Variants in C2CD3 observed in about 807,000 individuals in gnomAD.
The protein encoded by C2CD3 is C2 domain containing 3 centriole elongation regulator, also known as C2 domain-containing protein 3.
C2CD3 carries 148 observed loss-of-function variants against 234.0 expected under a neutral mutation model. The observed-to-expected ratio is 0.63, with a 90% CI of 0.55 to 0.72. The LOEUF is 0.72. Among genes scored for constraint, C2CD3 ranks in the 30% least tolerant of loss-of-function variants. The pLI is 0.00. For missense variants in C2CD3, 2,577 were observed against 2,811.5 expected, an observed-to-expected ratio of 0.92 and a Z score of 1.89; for synonymous variants, 1,000 against 1,035.4, an observed-to-expected ratio of 0.97 and a Z score of 0.66.
intron 9 of C2CD3, among the ~76,000 whole-genome samples, chr11:74,115,234 A>T (rs533267754): frequency 6.6e-6 from 1 of 152,082 alleles, no homozygotes; most frequent in East Asian, 1.9e-4. Flanking sequence ...ATATACATAC[A>T]TATATATACA....
chr11:74,109,155 G>C lies in C2CD3; in HGVS notation c.1844-3C>G. Reference sequence around the variant, plus strand: ...AAATCGCTGCTGGAACTTCACCTCTGTAAGGAGAACCAGACACACAGACAT... The same window carrying C: ...AAATCGCTGCTGGAACTTCACCTCTCTAAGGAGAACCAGACACACAGACAT... On this transcript the variant is annotated splice_polypyrimidine_tract_variant and splice_region_variant and intron_variant, in intron 11 of 32. Coordinates refer to ENST00000334126, the MANE Select transcript of C2CD3 (RefSeq NM_001286577.2). The C allele has an allele frequency of 6.6e-7, 1 of 1,519,884 alleles. No individual in the cohort carries two copies. The highest frequency in any genetic ancestry group is 8.9e-7 in the Non-Finnish European group (1 of 1,121,478). The allele number at this position is 1,519,884 out of a possible 1,614,324, so 94.1% of individuals were successfully genotyped here. A position where few individuals can be genotyped will look rare whatever the true frequency, so the allele number is the denominator to read the frequency against.
chr11:74,134,663 A>C (rs1957798532), intron 5 of C2CD3, among the ~76,000 whole-genome samples: 1 of 152,216 alleles, frequency 6.6e-6, no homozygotes, highest in African/African-American at 2.4e-5. Flanking sequence ...TATAATTTCT[A>C]AAAATAAAAT....
intron 22 of C2CD3, among the ~76,000 whole-genome samples, chr11:74,080,793 G>C (rs1245051742): frequency 6.6e-6 from 1 of 152,106 alleles, no homozygotes; most frequent in Non-Finnish European, 1.5e-5. Context: ...ACCTAGCCCT[G>C]TGCCAAGATC....
chr11:74,121,495 T>C (rs1486211289), intron 8 of C2CD3, among the ~76,000 whole-genome samples: 2 of 151,038 alleles, frequency 1.3e-5, no homozygotes, highest in African/African-American at 4.9e-5. Context: ...TAATCCCAGC[T>C]ACTCGGGAGG....
chr11:74,031,674 T>A (rs1952527208), intron 31 of C2CD3, among the ~76,000 whole-genome samples: 1 of 152,158 alleles, frequency 6.6e-6, no homozygotes, highest in Non-Finnish European at 1.5e-5. Context: ...TTCAAATCTG[T>A]CCTTGGCACC....
At position 74,100,623 on chromosome 11, in the gene C2CD3, C is replaced by T. The variant is rs376226159; in HGVS notation, c.2634G>A (p.Val878=). 3.7e-5 allele frequency: 60 copies of T among 1,613,942 alleles called. No homozygotes were observed. Among genetic ancestry groups the T allele is most frequent in the Non-Finnish European group, 4.9e-5 (58 of 1,179,918 alleles). The change falls in exon 15 of 33, where the codon GTG becomes GTA. Residue 878 remains valine (V), a synonymous_variant. Transcript: ENST00000334126. ...SKYLERLKNN[V]MVIETWNKVR... Reference sequence around the variant, plus strand: ...CCTTATTCCAAGTTTCAATTACCATCACATTGTTCTTAAGCCTTTCCAGGT... The same window carrying T: ...CCTTATTCCAAGTTTCAATTACCATTACATTGTTCTTAAGCCTTTCCAGGT...
intron 8 of C2CD3, among the ~76,000 whole-genome samples, chr11:74,120,025 G>A (rs1164798751): frequency 6.6e-6 from 1 of 151,924 alleles, no homozygotes; most frequent in Non-Finnish European, 1.5e-5. Flanking sequence ...ATTGACTAGT[G>A]CAACTGAAAA....
intron 24 of C2CD3, among the ~76,000 whole-genome samples, chr11:74,064,123 C>T (rs1366595945): frequency 1.3e-5 from 2 of 151,864 alleles, no homozygotes; most frequent in African/African-American, 4.8e-5. Flanking sequence ...GTTCAATTCC[C>T]ACCTATAAGT....
chr11:74,117,175 T>C lies in C2CD3; in HGVS notation c.1520+1053A>G, dbSNP rs1362251195. ...ATATATGAATATATATATATGAATA[T>C]ATATATATGAATATATATATATGAA... is the stretch of plus-strand genomic sequence containing the variant. On this transcript the variant is annotated intron_variant, in intron 9 of 32. Transcript: ENST00000334126. Among the ~76,000 whole-genome samples, 119 of 71,936 alleles carry C rather than the reference T, an allele frequency of 1.7e-3. 2 individuals carry two copies. The highest frequency in any genetic ancestry group is 3.9e-3 in the Admixed American group (21 of 5,346). The allele number at this position is 71,936 out of a possible 152,430, so 47.2% of individuals were successfully genotyped here.
rs562054205 is a variant in C2CD3 at position 74,116,272 on chromosome 11, T to C, written c.1521-1679A>G. Among the ~76,000 whole-genome samples the C allele has an allele frequency of 3.9e-4, 59 of 151,998 alleles. No homozygotes were observed. The South Asian group carries it at 0.012, about 30-fold the overall frequency. On this transcript the variant is annotated intron_variant, in intron 9 of 32. Coordinates refer to ENST00000334126, the MANE Select transcript of C2CD3 (RefSeq NM_001286577.2). ...GAATCTATAAGGAATGCAAACAAATTAGCAAGAAAAAATCAAACAATCCCA... is the reference window on the plus strand; with the variant it reads ...GAATCTATAAGGAATGCAAACAAATCAGCAAGAAAAAATCAAACAATCCCA...
chr11:74,148,405 A>C (rs2156756), intron 3 of C2CD3, among the ~76,000 whole-genome samples: 173 of 151,564 alleles, frequency 1.1e-3, no homozygotes, highest in Non-Finnish European at 2.1e-3. Flanking sequence ...TATCTTATAT[A>C]TGTATATATA....
chr11:74,051,125 A>G (rs141463434), intron 26 of C2CD3, among the ~76,000 whole-genome samples: 1 of 151,092 alleles, frequency 6.6e-6, no homozygotes, highest in South Asian at 2.1e-4. Context: ...CATCTCTAAA[A>G]AAAACAAAAC....
intron 23 of C2CD3, 111 bp from the exon 24 acceptor site, chr11:74,074,711 AC>A (rs907677227): frequency 1.2e-6 from 1 of 801,426 alleles, no homozygotes; most frequent in African/African-American, 1.7e-5. Context: ...AGGTCTACAA[AC>A]CCCAATACAG....
intron 30 of C2CD3, chr11:74,034,724 A>C: frequency 1.2e-6 from 1 of 841,678 alleles, no homozygotes; most frequent in Non-Finnish European, 2.0e-6. Flanking sequence ...CCATATGATA[A>C]GGCAGGGAAG....
At chr11:74,078,868 C>T (rs1591409320) in intron 22 of C2CD3, 151 bp from the exon 23 acceptor site, 3 of 691,634 alleles carry the variant, frequency 4.3e-6, no homozygotes, top group Non-Finnish European at 7.0e-6. Flanking sequence ...GTTCATCTGA[C>T]CATTGAGAGG....
intron 24 of C2CD3, among the ~76,000 whole-genome samples, chr11:74,064,859 T>A (rs1954430101): frequency 6.6e-6 from 1 of 152,212 alleles, no homozygotes; most frequent in Admixed American, 6.5e-5. Context: ...GAAAACTGGC[T>A]AGCCATATGT....
In C2CD3 at chr11:74,139,593, T is replaced by C. The variant is rs1957977863; in HGVS notation, c.707+12A>G. ...AACTGACAGATTGACTGGTATTAGGTATGGTAATTACCTCGGAGTGGTTGA... is the reference window on the plus strand; with the variant it reads ...AACTGACAGATTGACTGGTATTAGGCATGGTAATTACCTCGGAGTGGTTGA... On this transcript the variant is annotated intron_variant, in intron 4 of 32. Coordinates refer to ENST00000334126, the MANE Select transcript of C2CD3 (RefSeq NM_001286577.2). 2 of 1,549,500 alleles carry C rather than the reference T, an allele frequency of 1.3e-6. No homozygotes were observed. The highest frequency in any genetic ancestry group is 2.7e-5 in the African/African-American group (2 of 73,700).
intron 15 of C2CD3, among the ~76,000 whole-genome samples, chr11:74,100,315 C>T (rs558482177): frequency 1.4e-4 from 21 of 152,184 alleles, no homozygotes; most frequent in Non-Finnish European, 2.4e-4. Flanking sequence ...CTTGATGTTG[C>T]AAGGTTTTTA....
chr11:74,079,359 G>A (rs1164910274), intron 22 of C2CD3, among the ~76,000 whole-genome samples: 1 of 151,894 alleles, frequency 6.6e-6, no homozygotes, highest in African/African-American at 2.4e-5. Context: ...GTGCTACCAC[G>A]CCTGGCCATT....
Sources: allele counts gnomAD v4.1 joint callset (sites outside exome capture counted in the v4.1 genomes callset), GRCh38; gene constraint gnomAD v4.1.1; transcripts MANE v1.5; gene names NCBI Gene and HGNC (gene_info 2026-07-23, HGNC 2026-07-21).